Variants in CNTN5 observed in about 807,000 individuals in gnomAD.
CNTN5 encodes contactin 5.
In CNTN5, 77 loss-of-function variants were observed where a neutral mutation model predicts 129.1. The ratio of observed to expected loss-of-function variants is 0.60; its 90% CI spans 0.50 to 0.72. The LOEUF is 0.72. CNTN5 is among the 30% of genes least tolerant of loss of function. The pLI is 0.00. For synonymous variants in CNTN5, 509 were observed against 465.6 expected, an observed-to-expected ratio of 1.09 and a Z score of -1.20; for missense variants, 1,478 against 1,328.8, an observed-to-expected ratio of 1.11 and a Z score of -1.75.
intron 9 of CNTN5, among the ~76,000 whole-genome samples, chr11:100,031,440 C>A (rs12277526): frequency 6.6e-6 from 1 of 152,078 alleles, no homozygotes; most frequent in East Asian, 1.9e-4. Flanking sequence ...GAATGGAATG[C>A]GACCCTTGTG....
rs79448487 is a variant in CNTN5 at position 99,274,564 on chromosome 11, A to G, written c.-209-50782A>G. ...TTCAAATGTTATGGAAATATAATTAACTGTGATTTACTTTTTATGCTTTCA... is the reference window on the plus strand; with the variant it reads ...TTCAAATGTTATGGAAATATAATTAGCTGTGATTTACTTTTTATGCTTTCA... On this transcript the variant is annotated intron_variant, in intron 1 of 24. Transcript: ENST00000524871. 2.5e-3 allele frequency among the ~76,000 whole-genome samples: 376 copies of G among 151,700 alleles called. 11 individuals are homozygous for G. The East Asian group carries it at 0.048, about 20-fold the overall frequency.
At chr11:100,244,876 G>C (rs576271922) in intron 16 of CNTN5, among the ~76,000 whole-genome samples, 2 of 152,104 alleles carry the variant, frequency 1.3e-5, no homozygotes, top group African/African-American at 4.8e-5. Context: ...AATTCTAATG[G>C]ATTTATCTGG....
rs533302235 is a variant in CNTN5, at chr11:99,162,633, T to A, written c.-210+141363T>A. Among the ~76,000 whole-genome samples, 17 of 152,292 alleles carry A rather than the reference T, an allele frequency of 1.1e-4. No homozygotes were observed. In the South Asian group the frequency reaches 3.5e-3, roughly 32 times the overall value. On this transcript the variant is annotated intron_variant, in intron 1 of 24. Transcript: ENST00000524871. ...ATTATCTGATATTAACAGACACTAT[T>A]TTACATACAAAGAAAGAGAAGCTAA... is the stretch of plus-strand genomic sequence containing the variant.
chr11:100,078,719 T>C (rs1030060350), intron 13 of CNTN5, among the ~76,000 whole-genome samples: 2 of 152,106 alleles, frequency 1.3e-5, no homozygotes, highest in Admixed American at 1.3e-4. Flanking sequence ...AAATTTTACA[T>C]GTAAAATATA....
intron 1 of CNTN5, among the ~76,000 whole-genome samples, chr11:99,212,729 C>T (rs1859871351): frequency 6.6e-6 from 1 of 151,900 alleles, no homozygotes; most frequent in South Asian, 2.1e-4. Flanking sequence ...TCATAATTTG[C>T]TAAAAGTCTT....
At chr11:99,544,302 C>A (rs985184827) in intron 2 of CNTN5, among the ~76,000 whole-genome samples, 1 of 152,070 alleles carries the variant, frequency 6.6e-6, no homozygotes, top group East Asian at 1.9e-4. Flanking sequence ...TCCAACACTG[C>A]GAATTACAAC....
At position 99,563,589 on chromosome 11, in the gene CNTN5, A is replaced by G. The variant is rs180822139; in HGVS notation, c.55+7320A>G. Among the ~76,000 whole-genome samples the G allele has an allele frequency of 6.6e-5, 10 of 152,300 alleles. No individual in the cohort carries two copies. In the East Asian group the frequency reaches 1.9e-3, roughly 29 times the overall value. On this transcript the variant is annotated intron_variant, in intron 3 of 24. Coordinates refer to ENST00000524871, the MANE Select transcript of CNTN5 (RefSeq NM_014361.4). ...AAAATAGCATGTATTCTTTCCTACA[A>G]TTCCAAGGGTTAGAGCTCGGTGGTT...
At chr11:99,068,939 C>T (rs1378933733) in intron 1 of CNTN5, among the ~76,000 whole-genome samples, 1 of 152,050 alleles carries the variant, frequency 6.6e-6, no homozygotes, top group East Asian at 1.9e-4. Context: ...GGAAATCTCC[C>T]TGACTCTTTT....
intron 18 of CNTN5, among the ~76,000 whole-genome samples, chr11:100,293,391 T>G (rs1826343115): frequency 6.6e-6 from 1 of 151,786 alleles, no homozygotes; most frequent in Admixed American, 6.6e-5. Context: ...ATGGCAAAAC[T>G]GAAAGCATAA....
At chr11:99,830,964 A>C (rs1282591503) in intron 4 of CNTN5, among the ~76,000 whole-genome samples, 1 of 152,106 alleles carries the variant, frequency 6.6e-6, no homozygotes. Context: ...TTTCTATACC[A>C]TGATAGTATA....
chr11:100,016,143 G>A (rs1174486097), intron 9 of CNTN5, among the ~76,000 whole-genome samples: 1 of 151,948 alleles, frequency 6.6e-6, no homozygotes, highest in Admixed American at 6.6e-5. Context: ...AGTAATCAGA[G>A]ACAAAAGTCT....
At chr11:100,077,697 G>A (rs907472383) in intron 13 of CNTN5, among the ~76,000 whole-genome samples, 30 of 151,880 alleles carry the variant, frequency 2.0e-4, no homozygotes, top group African/African-American at 7.3e-4. Flanking sequence ...TAAATAAATA[G>A]TCAGGCATGG....
At chr11:100,190,424 G>A (rs772460136) in intron 13 of CNTN5, among the ~76,000 whole-genome samples, 19 of 152,216 alleles carry the variant, frequency 1.2e-4, no homozygotes, top group Middle Eastern at 3.4e-3. Context: ...AGGAGAATAC[G>A]TTAATTCCAA....
rs565945941 is a variant in CNTN5, at chr11:99,757,548, G to A, written c.56-61996G>A. The stretch of plus-strand genomic sequence containing the variant: ...TGTTTCTGTTTTCTCTCCTTATAAG[G>A]ACCCATACTATAAGTGCCCCACCCT... On this transcript the variant is annotated intron_variant, in intron 3 of 24. Coordinates refer to ENST00000524871, the MANE Select transcript of CNTN5 (RefSeq NM_014361.4). 4.5e-4 allele frequency among the ~76,000 whole-genome samples: 68 copies of A among 151,976 alleles called. No individual in the cohort carries two copies. The South Asian group carries it at 0.012, about 26-fold the overall frequency.
At chr11:99,608,062 G>T (rs1241821624) in intron 3 of CNTN5, among the ~76,000 whole-genome samples, 2 of 137,272 alleles carry the variant, frequency 1.5e-5, no homozygotes, top group Non-Finnish European at 3.1e-5. Flanking sequence ...TAACTAACCT[G>T]CACAATGTGC....
chr11:99,116,485 C>A (rs929077501), intron 1 of CNTN5, among the ~76,000 whole-genome samples: 1 of 152,076 alleles, frequency 6.6e-6, no homozygotes, highest in East Asian at 1.9e-4. Flanking sequence ...TATTTTAAGG[C>A]GTTTGGATGT....
intron 1 of CNTN5, among the ~76,000 whole-genome samples, chr11:99,271,026 G>C (rs1287796284): frequency 6.6e-6 from 1 of 150,668 alleles, no homozygotes; most frequent in Admixed American, 6.6e-5. Flanking sequence ...AGAGTGTAGA[G>C]CTGTGTTTGG....
chr11:100,263,137 A>G (rs1950237865), intron 17 of CNTN5, among the ~76,000 whole-genome samples: 1 of 152,154 alleles, frequency 6.6e-6, no homozygotes, highest in Admixed American at 6.6e-5. Flanking sequence ...GATAGTTACT[A>G]GACACTTATT....
chr11:99,285,667 A>C (rs1038230127), intron 1 of CNTN5, among the ~76,000 whole-genome samples: 3 of 152,128 alleles, frequency 2.0e-5, no homozygotes, highest in African/African-American at 7.2e-5. Flanking sequence ...CAATAGCAGT[A>C]GTCAGCAAGG....
Sources: gnomAD v4.1 joint callset for allele counts (sites outside exome capture counted in the v4.1 genomes callset) on GRCh38, gnomAD v4.1.1 for gene constraint, MANE v1.5 for transcripts, NCBI Gene and HGNC (gene_info 2026-07-23, HGNC 2026-07-21) for gene names.